ADAMTS17: variants seen among roughly 807,000 people sequenced by gnomAD.
The protein encoded by ADAMTS17 is ADAM metallopeptidase with thrombospondin type 1 motif 17.
A neutral mutation model predicts 141.5 loss-of-function variants in ADAMTS17; 113 were observed. The ratio of observed to expected loss-of-function variants is 0.80; its 90% confidence interval spans 0.69 to 0.93. The LOEUF (loss-of-function observed/expected upper bound fraction) is 0.93, where lower values mean the gene tolerates loss of function less well. Ranked by LOEUF, ADAMTS17 falls within the 40% of genes least tolerant of loss-of-function variation. The probability of loss-of-function intolerance (pLI) is 0.00; values close to 1 mark genes in which losing one functional copy is unlikely to be tolerated. For missense variants in ADAMTS17, 1,659 were observed against 1,517.9 expected (o/e 1.09, Z -1.54); for synonymous variants, 768 against 630.6 (o/e 1.22, Z -3.27).
chr15:100,229,303 A>C (rs941627451), intron 7 of ADAMTS17, among the ~76,000 whole-genome samples: 2 of 151,410 alleles, frequency 1.3e-5, no homozygotes, highest in Non-Finnish European at 2.9e-5. Flanking sequence ...CATTGACAGA[A>C]GTGACCATTG....
intron 7 of ADAMTS17, among the ~76,000 whole-genome samples, chr15:100,215,923 A>G (rs1325696481): frequency 6.6e-6 from 1 of 152,038 alleles, no homozygotes; most frequent in Non-Finnish European, 1.5e-5. Context: ...TGCTTACAAG[A>G]GCAGAGCTGA....
chr15:100,288,082 C>T (rs988073937), intron 3 of ADAMTS17, among the ~76,000 whole-genome samples: 2 of 152,182 alleles, frequency 1.3e-5, no homozygotes, highest in Non-Finnish European at 2.9e-5. Context: ...GATAAAGAAG[C>T]AAGAAACAAC....
At chr15:100,175,796 G>A (rs983982356) in intron 8 of ADAMTS17, among the ~76,000 whole-genome samples, 1 of 151,872 alleles carries the variant, frequency 6.6e-6, no homozygotes, top group South Asian at 2.1e-4. Flanking sequence ...AGAGTGCAAC[G>A]GAGCCTGCCT....
At position 100,152,604 on chromosome 15, in the gene ADAMTS17, C is replaced by T. The variant is rs2039224287; in HGVS notation, c.1473+8G>A. 2 of 1,613,514 alleles carry T rather than the reference C, an allele frequency of 1.2e-6. No homozygotes were observed. The highest frequency in any genetic ancestry group is 1.7e-6 in the Non-Finnish European group (2 of 1,180,020). On this transcript the variant is annotated splice_region_variant and intron_variant, in intron 10 of 21. Coordinates refer to ENST00000268070, the MANE Select transcript of ADAMTS17 (RefSeq NM_139057.4). ...CTGTCCCGAGCCAGCCCTCCCACGG[C>T]TGCTTACCTCCATGTTTCTGCAGAA... is the stretch of plus-strand genomic sequence containing the variant.
In ADAMTS17 at chr15:100,082,180, C is replaced by A. The variant is rs561411385; in HGVS notation, c.2137+14176G>T. ...TCCTGGGTTCAAGCGATTCTCCTGCCTCGGCCTCCCGAGTAGCTGGGACTA... is the reference window on the plus strand; with the variant it reads ...TCCTGGGTTCAAGCGATTCTCCTGCATCGGCCTCCCGAGTAGCTGGGACTA... On this transcript the variant is annotated intron_variant, in intron 15 of 21. Transcript: ENST00000268070. 5.9e-4 allele frequency among the ~76,000 whole-genome samples: 90 copies of A among 152,244 alleles called. 2 individuals carry two copies. Among genetic ancestry groups the A allele is most frequent in the Admixed American group, 5.3e-3 (81 of 15,282 alleles).
intron 8 of ADAMTS17, among the ~76,000 whole-genome samples, chr15:100,162,443 T>C (rs998134214): frequency 3.8e-5 from 5 of 132,036 alleles, no homozygotes; most frequent in African/African-American, 8.8e-5. Context: ...TATATACACA[T>C]ATAGTTATAT....
chr15:100,171,891 T>C (rs957553570), intron 8 of ADAMTS17, among the ~76,000 whole-genome samples: 1 of 152,216 alleles, frequency 6.6e-6, no homozygotes, highest in African/African-American at 2.4e-5. Flanking sequence ...CTATGGCCTC[T>C]CTGCCTGTGT....
intron 12 of ADAMTS17, among the ~76,000 whole-genome samples, chr15:100,123,499 G>A (rs565236492): frequency 2.0e-5 from 3 of 152,294 alleles, no homozygotes; most frequent in Admixed American, 2.0e-4. Context: ...GGCCTCCAGG[G>A]GAAAGCCAAC....
intron 3 of ADAMTS17, among the ~76,000 whole-genome samples, chr15:100,293,584 C>G (rs2142139004): frequency 6.6e-6 from 1 of 152,274 alleles, no homozygotes; most frequent in East Asian, 1.9e-4. Context: ...CCCCAGGATC[C>G]CCCAGCCATC....
chr15:100,136,516 C>T (rs1218024282), intron 10 of ADAMTS17, among the ~76,000 whole-genome samples: 2 of 152,218 alleles, frequency 1.3e-5, no homozygotes, highest in Non-Finnish European at 2.9e-5. Context: ...AGCCTGCATT[C>T]ATGTCATGCA....
intron 8 of ADAMTS17, among the ~76,000 whole-genome samples, chr15:100,160,648 C>A (rs2039647582): frequency 6.6e-6 from 1 of 152,198 alleles, no homozygotes; most frequent in Non-Finnish European, 1.5e-5. Context: ...GGGATGTGGC[C>A]AACCGAAGCA....
chr15:99,999,217 G>A (rs1448131677), intron 18 of ADAMTS17, among the ~76,000 whole-genome samples: 2 of 152,186 alleles, frequency 1.3e-5, no homozygotes, highest in Non-Finnish European at 2.9e-5. Context: ...TACATTCTGA[G>A]GGGGGCAGAC....
At position 100,215,385 on chromosome 15, in the gene ADAMTS17, T is replaced by C. The variant is rs530756511; in HGVS notation, c.1076-15962A>G. On this transcript the variant is annotated intron_variant, in intron 7 of 21. Coordinates refer to ENST00000268070, the MANE Select transcript of ADAMTS17 (RefSeq NM_139057.4). ...GCCCGAATGTCTGGCGTTCTTCTGATAGCTCCAGCCTTGTAACTGTCCCAT... is the reference window on the plus strand; with the variant it reads ...GCCCGAATGTCTGGCGTTCTTCTGACAGCTCCAGCCTTGTAACTGTCCCAT... Among the ~76,000 whole-genome samples the C allele has an allele frequency of 1.4e-4, 21 of 152,354 alleles. No individual in the cohort carries two copies. In the East Asian group the frequency reaches 3.3e-3, roughly 24 times the overall value.
At chr15:100,058,308 C>CGT (rs2032805688) in intron 15 of ADAMTS17, among the ~76,000 whole-genome samples, 1 of 19,484 alleles carries the variant, frequency 5.1e-5, no homozygotes. Context: ...GCTCTAACAC[C>CGT]CCTATCCCGG....
intron 3 of ADAMTS17, among the ~76,000 whole-genome samples, chr15:100,312,554 A>C (rs1030378596): frequency 1.3e-5 from 2 of 152,238 alleles, no homozygotes; most frequent in Admixed American, 6.5e-5. Context: ...GTAATAAGAA[A>C]GTAATGCCTG....
At chr15:100,009,321 TTTCTTTTTTTA>T (rs1447817277) in intron 18 of ADAMTS17, among the ~76,000 whole-genome samples, 1 of 152,124 alleles carries the variant, frequency 6.6e-6, no homozygotes, top group Non-Finnish European at 1.5e-5. Context: ...GTTCAGGGGC[TTTCTTTTTTTA>T]TTCATATAAT....
intron 12 of ADAMTS17, among the ~76,000 whole-genome samples, chr15:100,125,271 A>G (rs2037671102): frequency 6.6e-6 from 1 of 152,254 alleles, no homozygotes; most frequent in Non-Finnish European, 1.5e-5. Context: ...AAGGTGTCCA[A>G]GTAACACATG....
intron 3 of ADAMTS17, among the ~76,000 whole-genome samples, chr15:100,301,204 C>T (rs1385624971): frequency 6.6e-6 from 1 of 152,152 alleles, no homozygotes; most frequent in East Asian, 1.9e-4. Flanking sequence ...TAACTCATTT[C>T]TAAGTCCTTG....
At chr15:100,153,226 G>A (rs2039271474) in intron 9 of ADAMTS17, among the ~76,000 whole-genome samples, 1 of 152,062 alleles carries the variant, frequency 6.6e-6, no homozygotes, top group African/African-American at 2.4e-5. Flanking sequence ...AGTGCTTGTG[G>A]GACCTCGGTG....
Sources: gnomAD v4.1 joint callset for allele counts (sites outside exome capture counted in the v4.1 genomes callset) on GRCh38, gnomAD v4.1.1 for gene constraint, MANE v1.5 for transcripts, NCBI Gene and HGNC (gene_info 2026-07-23, HGNC 2026-07-21) for gene names.